The following ANXA4 variants were observed in gnomAD, a reference collection of about 807,000 sequenced individuals.
The protein encoded by ANXA4 is 35-beta calcimedin.
In ANXA4, 39 loss-of-function variants were observed where a neutral mutation model predicts 49.8. The observed-to-expected ratio is 0.78, with a 90% CI of 0.61 to 1.02. The LOEUF (loss-of-function observed/expected upper bound fraction) is 1.02. Among genes scored for constraint, ANXA4 ranks in the 50% least tolerant of loss-of-function variants. The pLI, the probability that ANXA4 is intolerant of heterozygous loss-of-function variation, is 0.00. For missense variants in ANXA4, 360 were observed against 410.1 expected (o/e 0.88, Z 1.05); for synonymous variants, 134 against 152.5 (o/e 0.88, Z 0.89).
At chr2:69,717,971 C>G (rs142623464) in intron 2 of ANXA4, among the ~76,000 whole-genome samples, 1 of 152,250 alleles carries the variant, frequency 6.6e-6, no homozygotes, top group Non-Finnish European at 1.5e-5. Context: ...GAAACCCTGG[C>G]TAGGGAGATG....
At chr2:69,669,446 C>G (rs377673166) in intron 2 of ANXA4, among the ~76,000 whole-genome samples, 1 of 151,286 alleles carries the variant, frequency 6.6e-6, no homozygotes, top group South Asian at 2.1e-4. Context: ...CTTGTCTCTA[C>G]TAAAAATACA....
intron 3 of ANXA4, among the ~76,000 whole-genome samples, chr2:69,789,838 G>A (rs937030572): frequency 2.6e-5 from 4 of 152,240 alleles, no homozygotes; most frequent in African/African-American, 9.6e-5. Flanking sequence ...TTATCTGGGA[G>A]GGAGAGTTTC....
chr2:69,685,661 A>G (rs1003986235), intron 2 of ANXA4, among the ~76,000 whole-genome samples: 1 of 152,262 alleles, frequency 6.6e-6, no homozygotes, highest in African/African-American at 2.4e-5. Context: ...TTTAAGGGTG[A>G]TTAATATGAG....
chr2:69,726,595 A>G (rs1348059206), intron 3 of ANXA4, among the ~76,000 whole-genome samples: 3 of 152,244 alleles, frequency 2.0e-5, no homozygotes, highest in Non-Finnish European at 4.4e-5. Flanking sequence ...AGTGAACACA[A>G]CCATGTAATC....
intron 1 of ANXA4, among the ~76,000 whole-genome samples, chr2:69,647,933 A>T (rs1343167438): frequency 6.6e-6 from 1 of 152,232 alleles, no homozygotes; most frequent in Non-Finnish European, 1.5e-5. Context: ...AAATACTGTT[A>T]CACTATTATT....
At chr2:69,786,807 C>T (rs1346897251) in intron 2 of ANXA4, among the ~76,000 whole-genome samples, 1 of 151,920 alleles carries the variant, frequency 6.6e-6, no homozygotes, top group Non-Finnish European at 1.5e-5. Context: ...CTGCAGTCTC[C>T]ACCTCCTGGG....
At chr2:69,793,531 A>C (rs1211086614) in intron 3 of ANXA4, among the ~76,000 whole-genome samples, 2 of 152,142 alleles carry the variant, frequency 1.3e-5, no homozygotes, top group Non-Finnish European at 2.9e-5. Context: ...ATATAACCAC[A>C]CAAACAGAAG....
intron 2 of ANXA4, 61 bp from the exon 3 acceptor site, chr2:69,787,993 G>C (rs924183928): frequency 3.5e-6 from 5 of 1,414,532 alleles, no homozygotes; most frequent in African/African-American, 1.4e-5. Context: ...TTTGCCGAAT[G>C]AGATGCCTCC....
chr2:69,744,276 C>G (rs1670524444), intron 1 of ANXA4, among the ~76,000 whole-genome samples: 1 of 152,170 alleles, frequency 6.6e-6, no homozygotes, highest in African/African-American at 2.4e-5. Context: ...CATTGCACTG[C>G]AGCCTGGGTA....
At position 69,808,014 on chromosome 2, in the gene ANXA4, T is replaced by G; in HGVS notation, c.397+18T>G. 2 of 1,611,856 alleles carry G rather than the reference T, an allele frequency of 1.2e-6. No homozygotes were observed. The highest frequency in any genetic ancestry group is 1.7e-6 in the Non-Finnish European group (2 of 1,178,056). ...CCAGCAGCGTACGTGACATCCGCAGTGGCCCTGGCTGAGGTTTCGCTGTGA... is the reference window on the plus strand; with the variant it reads ...CCAGCAGCGTACGTGACATCCGCAGGGGCCCTGGCTGAGGTTTCGCTGTGA... On this transcript the variant is annotated intron_variant, in intron 6 of 12. Coordinates refer to ENST00000394295, the MANE Select transcript of ANXA4 (RefSeq NM_001153.5).
intron 7 of ANXA4, among the ~76,000 whole-genome samples, chr2:69,811,626 CT>C (rs1474529513): frequency 3.3e-5 from 5 of 152,172 alleles, no homozygotes. Flanking sequence ...TTTCACATTG[CT>C]TTTTAGATGT....
At chr2:69,800,158 G>T (rs1359291978) in intron 3 of ANXA4, among the ~76,000 whole-genome samples, 2 of 152,198 alleles carry the variant, frequency 1.3e-5, no homozygotes, top group African/African-American at 2.4e-5. Flanking sequence ...CAGAGCTGGA[G>T]TTCAAGCCAC....
chr2:69,648,318 A>G (rs975270763), intron 1 of ANXA4, among the ~76,000 whole-genome samples: 7 of 152,212 alleles, frequency 4.6e-5, no homozygotes, highest in African/African-American at 1.7e-4. Context: ...TCATTACACC[A>G]TATGGGCTTT....
At chr2:69,734,722 C>T (rs1021888366) in intron 3 of ANXA4, among the ~76,000 whole-genome samples, 1 of 150,268 alleles carries the variant, frequency 6.7e-6, no homozygotes, top group South Asian at 2.1e-4. Flanking sequence ...TTGTTCCCCC[C>T]AAAAAAGTCA....
intron 4 of ANXA4, among the ~76,000 whole-genome samples, chr2:69,805,161 A>C (rs1673390556): frequency 6.6e-6 from 1 of 152,070 alleles, no homozygotes; most frequent in Admixed American, 6.6e-5. Flanking sequence ...GTGAATAAAC[A>C]TCTTTAGAAT....
chr2:69,697,374 T>C (rs1048444040), intron 2 of ANXA4, among the ~76,000 whole-genome samples: 3 of 152,246 alleles, frequency 2.0e-5, no homozygotes, highest in African/African-American at 7.2e-5. Flanking sequence ...AGTGCCTTGT[T>C]CTAGGCTAGG....
rs780708271 is a variant in ANXA4, at chr2:69,825,523, A to G, written c.*8A>G. The G allele has an allele frequency of 1.2e-6, 2 of 1,604,648 alleles. No homozygotes were observed. The highest frequency in any genetic ancestry group is 3.5e-5 in the Admixed American group (2 of 57,326). On this transcript the variant is annotated 3_prime_UTR_variant, in exon 13 of 13. Coordinates refer to ENST00000394295, the MANE Select transcript of ANXA4 (RefSeq NM_001153.5). ...TGTGGAGGAGATGATTAAAATAAAA[A>G]TCCCAGAAGGACAGGAGGATTCTCA... is the stretch of plus-strand genomic sequence containing the variant.
chr2:69,778,775 C>CAA (rs58688910), intron 1 of ANXA4, among the ~76,000 whole-genome samples: 22 of 36,550 alleles, frequency 6.0e-4, no homozygotes, highest in Admixed American at 8.0e-4. Flanking sequence ...AACTCTGTCT[C>CAA]AAAAAAAAAA....
At chr2:69,798,033 C>A (rs35293234) in intron 3 of ANXA4, among the ~76,000 whole-genome samples, 40,201 of 152,020 alleles carry the variant, frequency 0.26, 5,784 homozygotes, top group Admixed American at 0.45. Flanking sequence ...TACCTCCTAA[C>A]AGGAGAAAGT....
Sources: allele counts gnomAD v4.1 joint callset (sites outside exome capture counted in the v4.1 genomes callset), GRCh38; gene constraint gnomAD v4.1.1; transcripts MANE v1.5; gene names NCBI Gene and HGNC (gene_info 2026-07-23, HGNC 2026-07-21).